FARP2: variants seen among roughly 807,000 people sequenced by gnomAD.
The protein encoded by FARP2 is FERM, ARH/RhoGEF and pleckstrin domain protein 2.
FARP2 carries 111 observed loss-of-function variants against 130.5 expected under a neutral mutation model. The ratio of observed to expected loss-of-function variants is 0.85; its 90% CI spans 0.73 to 1.00. FARP2 has a LOEUF of 1.00. Among genes scored for constraint, FARP2 ranks in the 50% least tolerant of loss-of-function variants. The pLI is 0.00. For synonymous variants in FARP2, 504 were observed against 516.9 expected (o/e 0.98, Z 0.34); for missense variants, 1,385 against 1,346.3 (o/e 1.03, Z -0.45).
chr2:241,435,542 C>T lies in FARP2; in HGVS notation c.1100+512C>T, dbSNP rs1281803090. On this transcript the variant is annotated intron_variant, in intron 11 of 26. Coordinates refer to ENST00000264042, the MANE Select transcript of FARP2 (RefSeq NM_014808.4). ...TTTTTTTTTTTTTGAGACGGAGTCT[C>T]GCTCTGTCGCCCAAGCTGGAGTGCA... Among the ~76,000 whole-genome samples, 84 of 140,364 alleles carry T rather than the reference C, an allele frequency of 6.0e-4. 1 individual carries two copies. Among genetic ancestry groups the T allele is most frequent in the Middle Eastern group, 4.4e-3 (1 of 228 alleles). 92.1% of individuals were successfully genotyped at this position (140,364 alleles called of 152,430 possible).
intron 20 of FARP2, chr2:241,483,905 C>T (rs753662805): frequency 1.0e-6 from 1 of 985,358 alleles, no homozygotes; most frequent in Non-Finnish European, 1.2e-6. Context: ...AAGCCCCTCC[C>T]AGCATGTCCT....
intron 13 of FARP2, among the ~76,000 whole-genome samples, chr2:241,450,707 C>G (rs1444501013): frequency 6.6e-6 from 1 of 151,740 alleles, no homozygotes; most frequent in Admixed American, 6.6e-5. Context: ...CACCTGTAAT[C>G]CCAGCAATTC....
chr2:241,412,094 C>T (rs2062534787), intron 6 of FARP2, among the ~76,000 whole-genome samples: 1 of 152,140 alleles, frequency 6.6e-6, no homozygotes, highest in Non-Finnish European at 1.5e-5. Context: ...CAGATCGTGG[C>T]CCTGTTCCTG....
Position 241,493,367 on chromosome 2 carries a change from C to G in FARP2, c.2970C>G (p.His990Gln), listed in dbSNP as rs1559820262. Residue 990 changes from histidine to glutamine, a missense_variant, in exon 26 of 27, where the codon CAC (histidine) becomes CAG (glutamine). By Grantham distance (24) the His-to-Gln change is conservative (BLOSUM62 0). Coordinates refer to ENST00000264042, the MANE Select transcript of FARP2 (RefSeq NM_014808.4). ...TCCCCAGGGAGGCCGATGGCATACACAAAGACTATGTTTTCAAGCTCCAGT... is the reference window on the plus strand; with the variant it reads ...TCCCCAGGGAGGCCGATGGCATACAGAAAGACTATGTTTTCAAGCTCCAGT... ...VSIPREADGI[H>Q]KDYVFKLQFK... is the part of the protein sequence containing the mutation. 1.2e-6 allele frequency: 2 copies of G among 1,613,996 alleles called. No homozygotes were observed. The highest frequency in any genetic ancestry group is 1.1e-5 in the South Asian group (1 of 91,086).
At position 241,462,613 on chromosome 2, in the gene FARP2, G is replaced by T. The variant is rs148642151; in HGVS notation, c.1677+1G>T. On this transcript the variant is annotated splice_donor_variant, in intron 15 of 26. Coordinates refer to ENST00000264042, the MANE Select transcript of FARP2 (RefSeq NM_014808.4). LOFTEE classifies it high-confidence loss of function. ...CAAGGATTTAGAAGTTATTACCGTG[G>T]TACGAAAGTCCTTGATTACTTTGAT... is the stretch of plus-strand genomic sequence containing the variant. The T allele has an allele frequency of 7.6e-6, 12 of 1,583,788 alleles. No individual in the cohort carries two copies. The highest frequency in any genetic ancestry group is 9.5e-6 in the Non-Finnish European group (11 of 1,152,704).
chr2:241,447,695 C>T (rs1422946146), intron 13 of FARP2, among the ~76,000 whole-genome samples: 2 of 152,166 alleles, frequency 1.3e-5, no homozygotes, highest in East Asian at 1.9e-4. Flanking sequence ...CTTTATTCCA[C>T]TCTGAGCTTG....
chr2:241,473,280 C>T (rs1001320002), intron 18 of FARP2, among the ~76,000 whole-genome samples: 1 of 151,248 alleles, frequency 6.6e-6, no homozygotes, highest in Admixed American at 6.6e-5. Flanking sequence ...TCTGAGGGGA[C>T]CCTTTTCTGA....
intron 5 of FARP2, among the ~76,000 whole-genome samples, chr2:241,409,031 AGATAGAT>A (rs1035441298): frequency 5.1e-5 from 6 of 118,412 alleles, no homozygotes; most frequent in Admixed American, 2.6e-4. Context: ...ATAGATAGAT[AGATAGAT>A]GATAGATAGA....
intron 12 of FARP2, among the ~76,000 whole-genome samples, chr2:241,438,959 A>G (rs1422337987): frequency 6.6e-6 from 1 of 151,756 alleles, no homozygotes; most frequent in Non-Finnish European, 1.5e-5. Context: ...CTCTTTAGAA[A>G]TTTCTTGTTA....
rs138831767 is a variant in FARP2, at chr2:241,365,697, A to G, written c.-24-7387A>G. ...TTAGGATATATTTTCCTGGTGACGTAGAATGAAGTTACTGGGCTTTGAAGT... is the reference window on the plus strand; with the variant it reads ...TTAGGATATATTTTCCTGGTGACGTGGAATGAAGTTACTGGGCTTTGAAGT... On this transcript the variant is annotated intron_variant, in intron 1 of 26. Coordinates refer to ENST00000264042, the MANE Select transcript of FARP2 (RefSeq NM_014808.4). Among the ~76,000 whole-genome samples the G allele has an allele frequency of 2.6e-4, 40 of 152,314 alleles. No homozygotes were observed. In the East Asian group the frequency reaches 7.3e-3, roughly 28 times the overall value.
At chr2:241,489,885 C>A in intron 21 of FARP2, 77 bp from the exon 22 acceptor site, 2 of 961,684 alleles carry the variant, frequency 2.1e-6, no homozygotes, top group Non-Finnish European at 1.7e-6. Flanking sequence ...TGCCAGCAGT[C>A]ACCTTGTGTC....
At chr2:241,368,806 T>G (rs1219061874) in intron 1 of FARP2, among the ~76,000 whole-genome samples, 1 of 152,172 alleles carries the variant, frequency 6.6e-6, no homozygotes, top group Admixed American at 6.5e-5. Flanking sequence ...ATAAGCTTAG[T>G]AATAAACTTA....
rs752097145 is a variant in FARP2 at position 241,468,224 on chromosome 2, G to A, written c.1978G>A (p.Val660Met). 8.7e-6 allele frequency: 14 copies of A among 1,614,116 alleles called. 2 individuals carry two copies. The South Asian group carries it at 1.4e-4, about 16-fold the overall frequency. The change falls in exon 18 of 27, where the codon GTG (valine) becomes ATG (methionine). Residue 660 changes from valine to methionine, a missense_variant. Physicochemically the swap from Val to Met is conservative, Grantham distance 21 (BLOSUM62 1). Coordinates refer to ENST00000264042, the MANE Select transcript of FARP2 (RefSeq NM_014808.4). ...CAAACGCTGTAAGAAGTTGGAGGCA[G>A]TGTACAAGGAGTTTGAGCTGCAGAA... ...ATKRCKKLEA[V>M]YKEFELQKVC...
Position 241,463,378 on chromosome 2 carries a change from C to G in FARP2, c.1721C>G (p.Thr574Ser). Reference protein sequence around the residue: ...AVVKEDAMPATLMTLLFSNID... With the variant: ...AVVKEDAMPASLMTLLFSNID... ...GTGAAGGAGGACGCCATGCCTGCGA[C>G]TCTGATGACGCTGCTCTTCTCCAAC... is the stretch of plus-strand genomic sequence containing the variant. Residue 574 changes from threonine to serine, a missense_variant, in exon 16 of 27, where the codon ACT (threonine) becomes AGT (serine). Physicochemically the swap from Thr to Ser is moderately conservative, Grantham distance 58. Coordinates refer to ENST00000264042, the MANE Select transcript of FARP2 (RefSeq NM_014808.4). The G allele has an allele frequency of 6.2e-7, 1 of 1,614,134 alleles. No individual in the cohort carries two copies. The highest frequency in any genetic ancestry group is 8.5e-7 in the Non-Finnish European group (1 of 1,180,004).
rs2064096522 is a variant in FARP2 at position 241,463,935 on chromosome 2, T to A, written c.1848T>A (p.His616Gln). 6.2e-7 allele frequency: 1 copy of A among 1,614,098 alleles called. No homozygotes were observed. The highest frequency in any genetic ancestry group is 8.5e-7 in the Non-Finnish European group (1 of 1,179,982). The change falls in exon 17 of 27, where the codon CAT becomes CAA. Residue 616 changes from histidine (H) to glutamine (Q), a missense_variant. By Grantham distance (24) the His-to-Gln change is conservative. Transcript: ENST00000264042. ...CCAAAGCCCACACAAAAGGCAGTCA[T>A]CAACGAATCGGGGACATCCTGCTCA... The part of the protein sequence containing the change: ...GPSKAHTKGS[H>Q]QRIGDILLRN...
intron 18 of FARP2, among the ~76,000 whole-genome samples, chr2:241,473,388 A>AGAGGGACCCTTTTCT (rs1359109015): frequency 1.3e-5 from 2 of 150,784 alleles, no homozygotes; most frequent in East Asian, 3.9e-4. Flanking sequence ...CCATGTTCTG[A>AGAGGGACCCTTTTCT]GAGGGACCCT....
At chr2:241,466,687 C>CA in intron 17 of FARP2, 1 of 658,954 alleles carries the variant, frequency 1.5e-6, no homozygotes, top group Non-Finnish European at 1.8e-6. Context: ...CCCCTTCCAA[C>CA]CACCCCCCCC....
chr2:241,483,433 C>G (rs369151865), intron 19 of FARP2, 32 bp from the exon 20 acceptor site: 4 of 1,597,008 alleles, frequency 2.5e-6, no homozygotes, highest in Admixed American at 3.3e-5. Flanking sequence ...GCCCTCAGCC[C>G]GCTGAAAGGG....
At chr2:241,493,655 T>C in intron 26 of FARP2, 1 of 581,620 alleles carries the variant, frequency 1.7e-6, no homozygotes, top group Non-Finnish European at 3.1e-6. Context: ...AGTGCAGTGA[T>C]ACAATCTTGG....
Sources: gnomAD v4.1 joint callset for allele counts (sites outside exome capture counted in the v4.1 genomes callset) on GRCh38, gnomAD v4.1.1 for gene constraint, MANE v1.5 for transcripts, NCBI Gene and HGNC (gene_info 2026-07-23, HGNC 2026-07-21) for gene names.